Variants in NTRK1 observed in about 807,000 individuals in gnomAD.
The protein encoded by NTRK1 is neurotrophic receptor tyrosine kinase 1, also known as high affinity nerve growth factor receptor.
NTRK1 carries 62 observed loss-of-function variants against 86.8 expected under a neutral mutation model. The ratio of observed to expected loss-of-function variants is 0.71; its 90% CI spans 0.58 to 0.88. The LOEUF (loss-of-function observed/expected upper bound fraction) is 0.88, where lower values mean the gene tolerates loss of function less well. Among genes scored for constraint, NTRK1 ranks in the 40% least tolerant of loss-of-function variants. The pLI is 0.00. For synonymous variants in NTRK1, 469 were observed against 456.6 expected, an observed-to-expected ratio of 1.03 and a Z score of -0.35; for missense variants, 967 against 1,078.4, an observed-to-expected ratio of 0.90 and a Z score of 1.45.
rs548169560 is a variant in NTRK1 at position 156,876,284 on chromosome 1, G to C, written c.1632+74G>C. ...GAGCTCCATCACATCAGGACAGAGT[G>C]GGGGGAGATGCAGAGGGCTGACATG... On this transcript the variant is annotated intron_variant, in intron 13 of 16. Coordinates refer to ENST00000524377, the MANE Select transcript of NTRK1 (RefSeq NM_002529.4). 3.4e-5 allele frequency: 55 copies of C among 1,610,026 alleles called. No homozygotes were observed. The Middle Eastern group carries it at 7.7e-4, about 23-fold the overall frequency.
At chr1:156,846,454 C>T (rs1449607581) in intron 2 of NTRK1, 14 of 1,307,438 alleles carry the variant, frequency 1.1e-5, no homozygotes, top group South Asian at 1.2e-5. Context: ...ATTTCTGGTG[C>T]CTGTGCTCCC....
At chr1:156,844,835 C>G in intron 2 of NTRK1, 1 of 1,614,012 alleles carries the variant, frequency 6.2e-7, no homozygotes, top group South Asian at 1.1e-5. Flanking sequence ...GGAATACCAT[C>G]AGCCTCTCCT....
At chr1:156,839,181 TGTCATA>T (rs1654685783) in intron 1 of NTRK1, among the ~76,000 whole-genome samples, 1 of 152,216 alleles carries the variant, frequency 6.6e-6, no homozygotes, top group Non-Finnish European at 1.5e-5. Flanking sequence ...GGGTAGTTGT[TGTCATA>T]GAGACGGCCT....
intron 1 of NTRK1, among the ~76,000 whole-genome samples, chr1:156,821,455 G>C (rs1269287052): frequency 1.4e-5 from 1 of 69,170 alleles, no homozygotes; most frequent in Admixed American, 1.6e-4. Context: ...AATTTAGCCT[G>C]TGTGTGTGTG....
chr1:156,856,197 A>T (rs141127046), upstream of NTRK1, among the ~76,000 whole-genome samples: 9 of 152,296 alleles, frequency 5.9e-5, no homozygotes, highest in East Asian at 1.5e-3. Flanking sequence ...TGTTTATTGT[A>T]AGCTCCATAA....
At chr1:156,856,122 T>C (rs1221022505), upstream of NTRK1, among the ~76,000 whole-genome samples, 1 of 152,120 alleles carries the variant, frequency 6.6e-6, no homozygotes, top group Non-Finnish European at 1.5e-5. Context: ...TATTTATTTT[T>C]AACACTGGCT....
Position 156,867,643 on chromosome 1 carries a change from C to A in NTRK1, c.429-461C>A, listed in dbSNP as rs566586863. On this transcript the variant is annotated intron_variant, in intron 4 of 16. Transcript: ENST00000524377. ...TCACAGCGCCTGGCTTATTTCTTTT[C>A]TTTTCTTTCTTTCTTTTCTTTTCTT... Among the ~76,000 whole-genome samples the A allele has an allele frequency of 7.4e-5, 11 of 148,434 alleles. 1 individual carries two copies. The South Asian group carries it at 2.2e-3, about 29-fold the overall frequency.
At position 156,873,643 on chromosome 1, in the gene NTRK1, T is replaced by C. The variant is rs1284034499; in HGVS notation, c.861T>C (p.Ser287=). The change falls in exon 8 of 17, where the codon AGT becomes AGC. Residue 287 remains serine (S), a synonymous_variant. Coordinates refer to ENST00000524377, the MANE Select transcript of NTRK1 (RefSeq NM_002529.4). ...SVQVNVSFPA[S]VQLHTAVEMH... is the part of the protein sequence containing the mutation. ...CTTTCTGGCCCACAGTCCCGGCCAG[T>C]GTGCAGCTGCACACGGCGGTGGAGA... The C allele has an allele frequency of 6.2e-7, 1 of 1,610,942 alleles. No homozygotes were observed. Among genetic ancestry groups the C allele is most frequent in the Non-Finnish European group, 8.5e-7 (1 of 1,179,630 alleles).
At chr1:156,819,885 G>A (rs1654136345) in intron 1 of NTRK1, among the ~76,000 whole-genome samples, 1 of 152,174 alleles carries the variant, frequency 6.6e-6, no homozygotes. Context: ...GTTGTTGGAT[G>A]CACAGCTTGA....
rs2102879930 is a variant in NTRK1, at chr1:156,861,247, G to A, written c.212+101G>A. Reference sequence around the variant, plus strand: ...CTTGTTTGCTGGTCAGGCAGGACGAGCACGGCGGAAGGCTGGCACCACGCA... The same window carrying A: ...CTTGTTTGCTGGTCAGGCAGGACGAACACGGCGGAAGGCTGGCACCACGCA... On this transcript the variant is annotated intron_variant, in intron 1 of 16. Transcript: ENST00000524377. 5 of 1,380,370 alleles carry A rather than the reference G, an allele frequency of 3.6e-6. No individual in the cohort carries two copies. In the East Asian group the frequency reaches 1.0e-4, roughly 28 times the overall value. The allele number at this position is 1,380,370 out of a possible 1,614,324, so 85.5% of individuals were successfully genotyped here.
chr1:156,835,234 G>C (rs1473539866), intron 1 of NTRK1, among the ~76,000 whole-genome samples: 1 of 152,168 alleles, frequency 6.6e-6, no homozygotes, highest in Non-Finnish European at 1.5e-5. Context: ...ACACGGTAGG[G>C]CTACAAAAAC....
intron 1 of NTRK1, among the ~76,000 whole-genome samples, chr1:156,861,733 G>T (rs1323939006): frequency 6.6e-6 from 1 of 152,082 alleles, no homozygotes; most frequent in Non-Finnish European, 1.5e-5. Flanking sequence ...TCTGGGAAAT[G>T]GGACCCCCTC....
upstream of NTRK1, among the ~76,000 whole-genome samples, chr1:156,860,412 T>C (rs1195102974): frequency 2.0e-5 from 3 of 152,232 alleles, no homozygotes; most frequent in Non-Finnish European, 2.9e-5. Flanking sequence ...GTTTTCTTCC[T>C]AGAGTTCGGA....
intron 2 of NTRK1, chr1:156,849,467 G>T: frequency 1.3e-6 from 2 of 1,589,668 alleles, no homozygotes; most frequent in African/African-American, 1.3e-5. Context: ...GTTCCTGGGG[G>T]AGGCCAGGGG....
At chr1:156,824,523 CA>C (rs898880878) in intron 1 of NTRK1, among the ~76,000 whole-genome samples, 1 of 152,220 alleles carries the variant, frequency 6.6e-6, no homozygotes, top group African/African-American at 2.4e-5. Context: ...TCCCTCCCAT[CA>C]CCTAATGGAT....
chr1:156,866,768 TC>T, intron 3 of NTRK1, 141 bp from the exon 4 acceptor site: 2 of 671,276 alleles, frequency 3.0e-6, no homozygotes, highest in South Asian at 2.8e-5. Context: ...CACACTGCCT[TC>T]CAGGGCTGGT....
At chr1:156,848,963 T>C (rs948507641) in intron 2 of NTRK1, 2 of 1,603,666 alleles carry the variant, frequency 1.2e-6, no homozygotes, top group Non-Finnish European at 1.7e-6. Context: ...GTCGCGGGCC[T>C]CCAGTGGCTC....
At position 156,876,400 on chromosome 1, in the gene NTRK1, G is replaced by T. The variant is rs1199030190; in HGVS notation, c.1633G>T (p.Ala545Ser). The T allele has an allele frequency of 6.2e-7, 1 of 1,613,784 alleles. No individual in the cohort carries two copies. The highest frequency in any genetic ancestry group is 1.7e-4 in the Middle Eastern group (1 of 6,056). The part of the protein sequence containing the change: ...EQDKMLVAVK[A>S]LKEASESARQ... ...TCCTGTCCCTGCCGCTTCCATCCAG[G>T]CACTGAAGGAGGCGTCCGAGAGTGC... Residue 545 changes from alanine to serine, a missense_variant and splice_region_variant, in exon 14 of 17, where the codon GCA (alanine) becomes TCA (serine). By Grantham distance (99) the Ala-to-Ser change is moderately conservative. Around this residue, in one of 2 missense-constraint regions of NTRK1, gnomAD observed 637 missense variants for 776.5 expected, o/e 0.82. Coordinates refer to ENST00000524377, the MANE Select transcript of NTRK1 (RefSeq NM_002529.4).
rs567219449 is a variant in NTRK1 at position 156,879,675 on chromosome 1, T to C, written c.2046+313T>C. 8.5e-5 allele frequency among the ~76,000 whole-genome samples: 13 copies of C among 152,310 alleles called. No homozygotes were observed. The East Asian group carries it at 2.5e-3, about 29-fold the overall frequency. ...GCTAGGCTGGAGTGCAGTGGCACGA[T>C]CTCGGCTCACTGCAACCTCTGACTC... On this transcript the variant is annotated intron_variant, in intron 15 of 16. Transcript: ENST00000524377.
Sources: gnomAD v4.1 joint callset for allele counts (sites outside exome capture counted in the v4.1 genomes callset) on GRCh38, gnomAD v4.1.1 for gene constraint, gnomAD v4.1.1 regional missense constraint, MANE v1.5 for transcripts, NCBI Gene and HGNC (gene_info 2026-07-23, HGNC 2026-07-21) for gene names.